Variants in EPHA10 observed in about 807,000 individuals in gnomAD.
The protein encoded by EPHA10 is EPH receptor A10, also known as ephrin type-A receptor 10.
Under a neutral mutation model 109.7 loss-of-function variants are expected in EPHA10, and 120 were observed. That is an observed-to-expected ratio of 1.09 (90% CI 0.94 to 1.27). The LOEUF is 1.27. EPHA10 is among the 50% of genes most tolerant of loss of function. The pLI is 0.00. For synonymous variants in EPHA10, 640 were observed against 618.9 expected (o/e 1.03, Z -0.51); for missense variants, 1,396 against 1,411.1 (o/e 0.99, Z 0.17).
rs184102679 is a variant in EPHA10, at chr1:37,738,212, C to T, written c.1358-2822G>A. 1.8e-3 allele frequency among the ~76,000 whole-genome samples: 275 copies of T among 152,004 alleles called. 4 individuals are homozygous for T. The East Asian group carries it at 0.026, about 14-fold the overall frequency. On this transcript the variant is annotated intron_variant, in intron 5 of 16. Coordinates refer to ENST00000373048, the MANE Select transcript of EPHA10 (RefSeq NM_001099439.2). ...TGAAGCCCCGTCTGTACTAAAAATA[C>T]AAAAGTTAGCTGGGCGTGGTGGCAT...
In EPHA10 at chr1:37,764,987, G is replaced by A. The variant is rs768050906; in HGVS notation, c.80C>T (p.Pro27Leu). ...MQLCLALLLG[P>L]WRPGTAEEVI... ...TTCCTCGGCGGTCCCAGGCCGCCAGGGTCCCAAAAGCAGCGCGAGACAGAG... is the reference window on the plus strand; with the variant it reads ...TTCCTCGGCGGTCCCAGGCCGCCAGAGTCCCAAAAGCAGCGCGAGACAGAG... The change falls in exon 1 of 17, where the codon CCC becomes CTC. Residue 27 changes from proline to leucine, a missense_variant. Transcript: ENST00000373048. This position sits in a 1 kb window ranked among gnomAD's most constrained non-coding sequence, Gnocchi z 5.8. 2 of 1,610,324 alleles carry A rather than the reference G, an allele frequency of 1.2e-6. No individual in the cohort carries two copies. Among genetic ancestry groups the A allele is most frequent in the Non-Finnish European group, 1.7e-6 (2 of 1,179,132 alleles).
At chr1:37,761,105 C>CAATG in intron 3 of EPHA10, 1 of 885,984 alleles carries the variant, frequency 1.1e-6, no homozygotes, top group Non-Finnish European at 1.4e-6. Context: ...AAAAAAAAAA[C>CAATG]AATGACTTCC....
intron 5 of EPHA10, among the ~76,000 whole-genome samples, chr1:37,738,246 A>G (rs1646100745): frequency 6.6e-6 from 1 of 152,050 alleles, no homozygotes; most frequent in Admixed American, 6.6e-5. Context: ...ATGCATCTGT[A>G]ATCCCAGCTA....
At chr1:37,733,179 C>T (rs1646016961) in intron 6 of EPHA10, among the ~76,000 whole-genome samples, 1 of 151,822 alleles carries the variant, frequency 6.6e-6, no homozygotes, top group Admixed American at 6.6e-5. Flanking sequence ...AGGCGTGCAC[C>T]ACCACGCCCG....
downstream of EPHA10, among the ~76,000 whole-genome samples, chr1:37,714,556 G>A (rs1645664961): frequency 1.3e-5 from 2 of 152,106 alleles, no homozygotes; most frequent in Admixed American, 1.3e-4. Context: ...GTTGAATTGT[G>A]CCCCCCGCCA....
At chr1:37,761,381 C>A (rs778610760) in intron 3 of EPHA10, 24 bp downstream of exon 3, 3 of 1,598,678 alleles carry the variant, frequency 1.9e-6, no homozygotes, top group South Asian at 1.1e-5. Flanking sequence ...ACTCCCACCC[C>A]ACGGCCCCCA....
Position 37,761,545 on chromosome 1 carries a change from G to C in EPHA10, c.710C>G (p.Ala237Gly), listed in dbSNP as rs1477607054. The change falls in exon 3 of 17, where the codon GCC (alanine) becomes GGC (glycine). Residue 237 changes from alanine to glycine, a missense_variant. By Grantham distance (60) the Ala-to-Gly change is moderately conservative. Coordinates refer to ENST00000373048, the MANE Select transcript of EPHA10 (RefSeq NM_001099439.2). Reference sequence around the variant, plus strand: ...TTCCGAGTGCGCCACGCACGTTCCGGCCACTTCCACCAGTGTGGAGAAGGC... The same window carrying C: ...TTCCGAGTGCGCCACGCACGTTCCGCCCACTTCCACCAGTGTGGAGAAGGC... ...ESAFSTLVEV[A>G]GTCVAHSEGE... 6.3e-7 allele frequency: 1 copy of C among 1,598,912 alleles called. No homozygotes were observed. The highest frequency in any genetic ancestry group is 2.2e-5 in the East Asian group (1 of 44,748).
chr1:37,737,048 C>T (rs517895), intron 5 of EPHA10, among the ~76,000 whole-genome samples: 47,195 of 152,078 alleles, frequency 0.31, 7,686 homozygotes, highest in Middle Eastern at 0.46. Flanking sequence ...AGATTTAATG[C>T]AATCCTATCA....
rs1302356350 is a variant in EPHA10, at chr1:37,761,553, C to T, written c.702G>A (p.Val234=). 1 of 1,599,056 alleles carries T rather than the reference C, an allele frequency of 6.3e-7. No homozygotes were observed. Among genetic ancestry groups the T allele is most frequent in the African/African-American group, 1.3e-5 (1 of 74,770 alleles). The change falls in exon 3 of 17, where the codon GTG becomes GTA. Residue 234 remains valine, a synonymous_variant. Coordinates refer to ENST00000373048, the MANE Select transcript of EPHA10 (RefSeq NM_001099439.2). ...TAAESAFSTL[V]EVAGTCVAHS... ...GCGCCACGCACGTTCCGGCCACTTC[C>T]ACCAGTGTGGAGAAGGCGCTCTCGG...
rs2148369848 is a variant in EPHA10, at chr1:37,759,794, C to CT, written c.850+1610dup. ...AGGCAACATAGACAAACCCCCATTT[C>CT]TAAAAAAAAAAAAAGAAGTTCTTAA... On this transcript the variant is annotated intron_variant, in intron 3 of 16. Coordinates refer to ENST00000373048, the MANE Select transcript of EPHA10 (RefSeq NM_001099439.2). Among the ~76,000 whole-genome samples, 4 of 104,194 alleles carry CT rather than the reference C, an allele frequency of 3.8e-5. No individual in the cohort carries two copies. The South Asian group carries it at 1.2e-3, about 30-fold the overall frequency. The allele number at this position is 104,194 out of a possible 152,430, so 68.4% of individuals were successfully genotyped here.
Position 37,752,930 on chromosome 1 carries a change from C to G in EPHA10, c.1303G>C (p.Ala435Pro). 7.6e-7 allele frequency: 1 copy of G among 1,310,612 alleles called. No individual in the cohort carries two copies. The highest frequency in any genetic ancestry group is 2.1e-5 in the South Asian group (1 of 46,668). 81.2% of individuals were successfully genotyped at this position (1,310,612 alleles called of 1,614,324 possible). Residue 435 changes from alanine to proline, a missense_variant, in exon 5 of 17, where the codon GCG becomes CCG. By Grantham distance (27) the Ala-to-Pro change is conservative. Coordinates refer to ENST00000373048, the MANE Select transcript of EPHA10 (RefSeq NM_001099439.2). Reference protein sequence around the residue: ...VAALNGVSGPAAAAGTTYAQV... With the variant: ...VAALNGVSGPPAAAGTTYAQV... The stretch of plus-strand genomic sequence containing the variant: ...GCGTAGGTGGTTCCCGCGGCGGCCG[C>G]CGGGCCCGAGACGCCGTTGAGCGCG...
chr1:37,720,115 C>CG (rs1329409663), intron 13 of EPHA10, 57 bp from the exon 14 acceptor site: 2 of 1,598,096 alleles, frequency 1.3e-6, no homozygotes, highest in African/African-American at 2.7e-5. Flanking sequence ...CAGGTTTCCC[C>CG]ACCCCACTGA....
chr1:37,735,766 C>G (rs757912443), intron 5 of EPHA10, among the ~76,000 whole-genome samples: 2 of 152,050 alleles, frequency 1.3e-5, no homozygotes, highest in Non-Finnish European at 2.9e-5. Flanking sequence ...CATTTAGAGG[C>G]AGAAGGACCT....
At chr1:37,720,122 C>G in intron 13 of EPHA10, 64 bp from the exon 14 acceptor site, 1 of 1,590,988 alleles carries the variant, frequency 6.3e-7, no homozygotes, top group East Asian at 2.2e-5. Context: ...CCCCACCCCA[C>G]TGAGCCCCAG....
At chr1:37,763,035 G>A (rs1313056768) in intron 1 of EPHA10, among the ~76,000 whole-genome samples, 186 bp from the exon 2 acceptor site, 1 of 152,212 alleles carries the variant, frequency 6.6e-6, no homozygotes, top group Non-Finnish European at 1.5e-5. Flanking sequence ...CCAGAGAGAG[G>A]TAGCCACAGT....
At position 37,764,346 on chromosome 1, in the gene EPHA10, T is replaced by C. The variant is rs1199190603; in HGVS notation, c.106+615A>G. On this transcript the variant is annotated intron_variant, in intron 1 of 16. Coordinates refer to ENST00000373048, the MANE Select transcript of EPHA10 (RefSeq NM_001099439.2). This position sits in a 1 kb window ranked among gnomAD's most constrained non-coding sequence, Gnocchi z 5.8. ...TAGATATGACGCCTCTGGATTCAAC[T>C]GAGCGTATAGCTCCCCTAAATGCAC... Among the ~76,000 whole-genome samples the C allele has an allele frequency of 2.6e-5, 4 of 152,194 alleles. No homozygotes were observed. The highest frequency in any genetic ancestry group is 6.5e-5 in the Admixed American group (1 of 15,292).
chr1:37,730,235 TC>T (rs1334749734), intron 7 of EPHA10, among the ~76,000 whole-genome samples: 2 of 152,188 alleles, frequency 1.3e-5, no homozygotes, highest in African/African-American at 2.4e-5. Flanking sequence ...TGGTCTTCCT[TC>T]CCAGAACTCA....
chr1:37,753,519 G>A (rs1341286387), intron 4 of EPHA10, among the ~76,000 whole-genome samples: 3 of 151,552 alleles, frequency 2.0e-5, no homozygotes, highest in Non-Finnish European at 2.9e-5. Context: ...GGGAGCCAGT[G>A]GGCATGGGGG....
chr1:37,762,985 C>T, intron 1 of EPHA10, 136 bp from the exon 2 acceptor site: 1 of 749,068 alleles, frequency 1.3e-6, no homozygotes, highest in Non-Finnish European at 2.2e-6. Flanking sequence ...AAGTTTTTCC[C>T]ACTCCATACA....
Sources: allele counts gnomAD v4.1 joint callset (sites outside exome capture counted in the v4.1 genomes callset), GRCh38; gene constraint gnomAD v4.1.1; non-coding constraint Gnocchi (gnomAD v3.1); transcripts MANE v1.5; gene names NCBI Gene and HGNC (gene_info 2026-07-23, HGNC 2026-07-21).